The following ARHGAP15 variants were observed in gnomAD, a reference collection of about 807,000 sequenced individuals.
ARHGAP15 encodes Rho GTPase activating protein 15.
A neutral mutation model predicts 63.7 loss-of-function variants in ARHGAP15; 51 were observed. The observed-to-expected ratio is 0.80, with a 90% confidence interval of 0.64 to 1.01. The LOEUF is 1.01. Among genes scored for constraint, ARHGAP15 ranks in the 50% least tolerant of loss-of-function variants. ARHGAP15 has a pLI of 0.00. For synonymous variants in ARHGAP15, 191 were observed against 193.8 expected, an observed-to-expected ratio of 0.99 and a Z score of 0.12; for missense variants, 560 against 564.6, an observed-to-expected ratio of 0.99 and a Z score of 0.08.
intron 1 of ARHGAP15, among the ~76,000 whole-genome samples, chr2:143,146,135 C>T (rs1029068788): frequency 6.6e-6 from 1 of 151,702 alleles, no homozygotes; most frequent in Non-Finnish European, 1.5e-5. Context: ...TTAAGGACCT[C>T]TTCATTAAAA....
intron 13 of ARHGAP15, among the ~76,000 whole-genome samples, chr2:143,746,667 CAA>C (rs756357592): frequency 3.3e-5 from 5 of 152,236 alleles, no homozygotes; most frequent in African/African-American, 4.8e-5. Flanking sequence ...CACCTAAATG[CAA>C]AGAGTTTGCA....
intron 6 of ARHGAP15, among the ~76,000 whole-genome samples, chr2:143,365,029 A>AAAT (rs1356014827): frequency 6.6e-6 from 1 of 151,988 alleles, no homozygotes; most frequent in Non-Finnish European, 1.5e-5. Context: ...ATAAATAAAT[A>AAAT]AATAAATAGT....
intron 6 of ARHGAP15, among the ~76,000 whole-genome samples, chr2:143,429,542 G>C (rs1008443454): frequency 3.3e-5 from 5 of 152,062 alleles, no homozygotes; most frequent in African/African-American, 1.2e-4. Context: ...ACATGGGCAG[G>C]TTATTTTGAT....
intron 11 of ARHGAP15, among the ~76,000 whole-genome samples, chr2:143,610,475 A>G (rs1056105518): frequency 5.3e-5 from 8 of 152,196 alleles, no homozygotes; most frequent in African/African-American, 1.7e-4. Context: ...CATCTTCCTG[A>G]CCAATCGACT....
chr2:143,756,645 T>TA (rs532799922), intron 13 of ARHGAP15, among the ~76,000 whole-genome samples: 51 of 145,692 alleles, frequency 3.5e-4, no homozygotes, highest in East Asian at 7.9e-4. Context: ...GAAAAACACC[T>TA]AAAAAAAAAA....
intron 8 of ARHGAP15, among the ~76,000 whole-genome samples, chr2:143,449,407 G>A (rs1368338670): frequency 6.6e-6 from 1 of 151,964 alleles, no homozygotes; most frequent in Non-Finnish European, 1.5e-5. Context: ...CTCACATGTA[G>A]CCTCTTTTTG....
intron 6 of ARHGAP15, chr2:143,344,263 A>G (rs1685177032): frequency 6.6e-6 from 1 of 152,144 alleles, no homozygotes; most frequent in Non-Finnish European, 1.5e-5. Flanking sequence ...CTTTCTTTCA[A>G]AGCCTGATAT....
intron 6 of ARHGAP15, among the ~76,000 whole-genome samples, chr2:143,419,216 A>G (rs1688807457): frequency 6.6e-6 from 1 of 152,106 alleles, no homozygotes; most frequent in African/African-American, 2.4e-5. Context: ...AGTTTCTTAT[A>G]AAATTCACAA....
intron 12 of ARHGAP15, among the ~76,000 whole-genome samples, chr2:143,668,910 AAAATT>A (rs201056914): frequency 0.018 from 2,704 of 152,336 alleles, 35 homozygotes; most frequent in Non-Finnish European, 0.028. Flanking sequence ...GGATGGGAGA[AAAATT>A]AAATTCATTT....
At chr2:143,639,643 T>G (rs1368597922) in intron 12 of ARHGAP15, among the ~76,000 whole-genome samples, 1 of 150,532 alleles carries the variant, frequency 6.6e-6, no homozygotes, top group Non-Finnish European at 1.5e-5. Flanking sequence ...GGCAAGTGAA[T>G]TAGGAAATAA....
At chr2:143,382,366 A>T (rs1054964724) in intron 6 of ARHGAP15, among the ~76,000 whole-genome samples, 1 of 152,114 alleles carries the variant, frequency 6.6e-6, no homozygotes, top group African/African-American at 2.4e-5. Flanking sequence ...TTTCTGGTGG[A>T]CAGCTGCCAA....
At chr2:143,317,066 C>A (rs1401433335) in intron 6 of ARHGAP15, among the ~76,000 whole-genome samples, 1 of 151,952 alleles carries the variant, frequency 6.6e-6, no homozygotes, top group Admixed American at 6.6e-5. Flanking sequence ...CCAACTTTAC[C>A]CTGCATTTTC....
chr2:143,336,005 GTT>G (rs1176277174), intron 6 of ARHGAP15, among the ~76,000 whole-genome samples: 1 of 150,420 alleles, frequency 6.6e-6, no homozygotes, highest in Non-Finnish European at 1.5e-5. Flanking sequence ...TTATTTTGTA[GTT>G]TATTTTTTTT....
intron 6 of ARHGAP15, chr2:143,351,276 A>T (rs997597701): frequency 6.6e-6 from 1 of 152,170 alleles, no homozygotes; most frequent in African/African-American, 2.4e-5. Context: ...CAACTAATAT[A>T]TTTTAAAGGT....
chr2:143,519,194 T>C (rs1693952412), intron 9 of ARHGAP15, 72 bp from the exon 10 acceptor site: 1 of 1,195,788 alleles, frequency 8.4e-7, no homozygotes, highest in Non-Finnish European at 1.2e-6. Flanking sequence ...GCAATGGATA[T>C]GGAAACGGAA....
At chr2:143,518,261 A>T (rs796525481) in intron 9 of ARHGAP15, among the ~76,000 whole-genome samples, 18 of 152,342 alleles carry the variant, frequency 1.2e-4, no homozygotes, top group African/African-American at 4.3e-4. Context: ...GCACTGGTGA[A>T]GACATAGATG....
At chr2:143,262,475 C>T (rs1409998834) in intron 6 of ARHGAP15, among the ~76,000 whole-genome samples, 3 of 148,702 alleles carry the variant, frequency 2.0e-5, no homozygotes, top group Middle Eastern at 3.6e-3. Flanking sequence ...GGAGTTTAGT[C>T]GGTTTTGTTT....
intron 4 of ARHGAP15, among the ~76,000 whole-genome samples, chr2:143,220,263 C>T (rs1019815852): frequency 2.0e-5 from 3 of 152,128 alleles, no homozygotes; most frequent in Non-Finnish European, 2.9e-5. Context: ...CACTCTGTCA[C>T]CCAGGCTGGA....
chr2:143,152,274 A>G (rs1054741338), intron 1 of ARHGAP15, among the ~76,000 whole-genome samples: 1 of 151,930 alleles, frequency 6.6e-6, no homozygotes, highest in African/African-American at 2.4e-5. Context: ...TCCCTTCATG[A>G]CATATGTCAA....
Sources: gnomAD v4.1 joint callset for allele counts (sites outside exome capture counted in the v4.1 genomes callset) on GRCh38, gnomAD v4.1.1 for gene constraint, MANE v1.5 for transcripts, NCBI Gene and HGNC (gene_info 2026-07-23, HGNC 2026-07-21) for gene names.